Variants in LATS1 observed in about 807,000 individuals in gnomAD.
LATS1 encodes the protein serine/threonine-protein kinase LATS1.
Under a neutral mutation model 106.6 loss-of-function variants are expected in LATS1, and 25 were observed. That is an observed-to-expected ratio of 0.23 (90% CI 0.17 to 0.33). The LOEUF is 0.33. Among genes scored for constraint, LATS1 ranks in the 10% least tolerant of loss-of-function variants. The pLI is 1.00. For missense variants in LATS1, 1,040 were observed against 1,382.6 expected, an observed-to-expected ratio of 0.75 and a Z score of 3.93; for synonymous variants, 465 against 455.6, an observed-to-expected ratio of 1.02 and a Z score of -0.26.
chr6:149,668,075 C>T (rs1172917155), intron 7 of LATS1, among the ~76,000 whole-genome samples: 1 of 152,152 alleles, frequency 6.6e-6, no homozygotes, highest in African/African-American at 2.4e-5. Flanking sequence ...TGCACGCCAC[C>T]AGCCCAGATA....
rs1582829466 is a variant in LATS1 at position 149,660,345 on chromosome 6, A to T, written c.*1384T>A. The T allele has an allele frequency of 4.3e-6, 1 of 233,146 alleles. No homozygotes were observed. The highest frequency in any genetic ancestry group is 6.1e-5 in the East Asian group (1 of 16,528). The allele number at this position is 233,146 out of a possible 1,614,324, so 14.4% of individuals were successfully genotyped here. A position where few individuals can be genotyped will look rare whatever the true frequency, so the allele number is the denominator to read the frequency against. On this transcript the variant is annotated 3_prime_UTR_variant, in exon 8 of 8. Coordinates refer to ENST00000543571, the MANE Select transcript of LATS1 (RefSeq NM_004690.4). ...CCTAACTCTCCAATTCAACTGCAAC[A>T]GCTCTGCCTTTAATTTTACTACATA...
chr6:149,676,649 T>C lies in LATS1; in HGVS notation c.2682A>G (p.Leu894=). The C allele has an allele frequency of 6.2e-7, 1 of 1,614,168 alleles. No homozygotes were observed. The highest frequency in any genetic ancestry group is 8.5e-7 in the Non-Finnish European group (1 of 1,180,014). The change falls in exon 6 of 8, where the codon TTA becomes TTG. Residue 894 remains leucine (L), a synonymous_variant. Coordinates refer to ENST00000543571, the MANE Select transcript of LATS1 (RefSeq NM_004690.4). ...SCRCGDRLKP[L]ERRAARQHQR... ...GGTGCTGGCGTGCAGCTCTCCGCTC[T>C]AATGGCTTCAGTCTGTCTCCACATC...
rs368619379 is a variant in LATS1 at position 149,683,408 on chromosome 6, T to C, written c.1681A>G (p.Lys561Glu). ...GATGGGTTTTGGTGCAGCAGATGTTTTGGGTAGGGTGGTGGTGGTCCTTGA... is the reference window on the plus strand; with the variant it reads ...GATGGGTTTTGGTGCAGCAGATGTTCTGGGTAGGGTGGTGGTGGTCCTTGA... ...NYQGPPPPYPKHLLHQNPSVP... is the reference protein window; with the variant it reads ...NYQGPPPPYPEHLLHQNPSVP... Residue 561 changes from lysine (K) to glutamate (E), a missense_variant, in exon 4 of 8, where the codon AAA (lysine) becomes GAA (glutamate). By Grantham distance (56) the Lys-to-Glu change is moderately conservative. Around this residue, in one of 7 missense-constraint regions of LATS1, gnomAD observed 624 missense variants for 714.8 expected, o/e 0.87. Transcript: ENST00000543571. 9.9e-6 allele frequency: 16 copies of C among 1,614,028 alleles called. No homozygotes were observed. In the African/African-American group the frequency reaches 2.1e-4, roughly 22 times the overall value.
intron 2 of LATS1, among the ~76,000 whole-genome samples, chr6:149,699,235 T>C (rs1043073670): frequency 2.0e-5 from 3 of 152,152 alleles, no homozygotes; most frequent in African/African-American, 7.2e-5. Context: ...GAATGAGTGA[T>C]TCAAGGAAGT....
intron 3 of LATS1, among the ~76,000 whole-genome samples, chr6:149,686,993 C>A (rs552248771): frequency 1.3e-5 from 2 of 152,144 alleles, no homozygotes; most frequent in African/African-American, 4.8e-5. Flanking sequence ...AAGGTTTATA[C>A]GCTTATACTC....
intron 7 of LATS1, among the ~76,000 whole-genome samples, chr6:149,666,444 C>T (rs1043239734): frequency 1.3e-5 from 2 of 150,930 alleles, no homozygotes; most frequent in Non-Finnish European, 1.5e-5. Flanking sequence ...GGTGAAACCC[C>T]GTCTCTACTA....
chr6:149,686,748 A>T (rs942746035), intron 3 of LATS1, among the ~76,000 whole-genome samples: 1 of 152,154 alleles, frequency 6.6e-6, no homozygotes, highest in Admixed American at 6.5e-5. Context: ...CCTCTCACCT[A>T]ATGAGCTCCT....
intron 3 of LATS1, among the ~76,000 whole-genome samples, chr6:149,689,153 G>A (rs1027883612): frequency 2.0e-5 from 3 of 151,644 alleles, no homozygotes; most frequent in Non-Finnish European, 4.4e-5. Context: ...GGGCGACAGA[G>A]CAAAACTTTG....
chr6:149,701,519 T>C (rs1021492645), intron 2 of LATS1, among the ~76,000 whole-genome samples: 4 of 152,212 alleles, frequency 2.6e-5, no homozygotes, highest in African/African-American at 9.6e-5. Flanking sequence ...TGCACTTCCA[T>C]TATGACTTCA....
At chr6:149,698,494 C>A (rs1783238851) in intron 2 of LATS1, among the ~76,000 whole-genome samples, 1 of 151,734 alleles carries the variant, frequency 6.6e-6, no homozygotes, top group African/African-American at 2.4e-5. Context: ...AATCCTCCTG[C>A]TTTGGCATCC....
chr6:149,686,447 T>C (rs1458547920), intron 3 of LATS1, among the ~76,000 whole-genome samples: 2 of 152,140 alleles, frequency 1.3e-5, no homozygotes, highest in Non-Finnish European at 2.9e-5. Flanking sequence ...GAGCTCTCCA[T>C]GTTCTTCCAC....
At chr6:149,708,795 G>A (rs1449170635) in intron 1 of LATS1, among the ~76,000 whole-genome samples, 1 of 152,166 alleles carries the variant, frequency 6.6e-6, no homozygotes, top group South Asian at 2.1e-4. Flanking sequence ...TTTCTGTTGT[G>A]TTAAGCCATT....
At chr6:149,685,124 GC>G (rs1782294650) in intron 3 of LATS1, among the ~76,000 whole-genome samples, 2 of 151,942 alleles carry the variant, frequency 1.3e-5, no homozygotes, top group South Asian at 4.2e-4. Context: ...TGTAGTCCCA[GC>G]CACTCGGGAG....
Position 149,661,734 on chromosome 6 carries a change from C to G in LATS1, c.3388G>C (p.Val1130Leu). 6.4e-7 allele frequency: 1 copy of G among 1,554,348 alleles called. No individual in the cohort carries two copies. Among genetic ancestry groups the G allele is most frequent in the South Asian group, 1.3e-5 (1 of 79,908 alleles). ...TACATTTATTTACTAGTGTGTTAAA[C>G]ATATACTAGATCGCGATTTTTAATC... is the stretch of plus-strand genomic sequence containing the variant. ...SEIKNRDLVY[V>L] The change falls in exon 8 of 8, where the codon GTT (valine) becomes CTT (leucine). Residue 1130 changes from valine to leucine, a missense_variant. This residue lies in a region of LATS1 where 46 missense variants were observed against 42.4 expected (regional missense o/e 1.09). Transcript: ENST00000543571.
At chr6:149,689,984 AT>A (rs1259483766) in intron 3 of LATS1, among the ~76,000 whole-genome samples, 4 of 151,616 alleles carry the variant, frequency 2.6e-5, no homozygotes, top group African/African-American at 7.2e-5. Flanking sequence ...AAAAAAAAAA[AT>A]AAGACTCTCC....
chr6:149,673,420 G>A (rs1171735888), intron 7 of LATS1, among the ~76,000 whole-genome samples: 1 of 151,592 alleles, frequency 6.6e-6, no homozygotes, highest in African/African-American at 2.4e-5. Context: ...TTTCATTGCT[G>A]TATTATGCTG....
chr6:149,676,823 G>C (rs1384644945), intron 5 of LATS1, 86 bp from the exon 6 acceptor site: 2 of 1,216,580 alleles, frequency 1.6e-6, no homozygotes, highest in East Asian at 2.5e-5. Context: ...TCGTGGTTTA[G>C]GGTTAACAAC....
Position 149,684,003 on chromosome 6 carries a change from A to T in LATS1, c.1086T>A (p.Val362=). 1 of 1,614,110 alleles carries T rather than the reference A, an allele frequency of 6.2e-7. No individual in the cohort carries two copies. The highest frequency in any genetic ancestry group is 8.5e-7 in the Non-Finnish European group (1 of 1,180,020). ...GCCGATTCACAGTGCCAGCAGGGAC[A>T]ACATTTTGGTGTATCATGAAATCAG... ...GQTDFMIHQN[V]VPAGTVNRQP... is the part of the protein sequence containing the mutation. Residue 362 remains valine (V), a synonymous_variant, in exon 4 of 8, where the codon GTT becomes GTA. Coordinates refer to ENST00000543571, the MANE Select transcript of LATS1 (RefSeq NM_004690.4).
chr6:149,678,162 TCCA>T (rs1247987190), intron 5 of LATS1, among the ~76,000 whole-genome samples: 552 of 28,576 alleles, frequency 0.019, 95 homozygotes, highest in African/African-American at 0.05. Context: ...CTACTAAAAA[TCCA>T]AAAAAAAAAA....
Sources: gnomAD v4.1 joint callset for allele counts (sites outside exome capture counted in the v4.1 genomes callset) on GRCh38, gnomAD v4.1.1 for gene constraint, gnomAD v4.1.1 regional missense constraint, MANE v1.5 for transcripts, NCBI Gene and HGNC (gene_info 2026-07-23, HGNC 2026-07-21) for gene names.